HIVEP2: variants seen among roughly 807,000 people sequenced by gnomAD.
HIVEP2 encodes the protein HIVEP zinc finger 2.
Under a neutral mutation model 180.7 loss-of-function variants are expected in HIVEP2, and 14 were observed. The ratio of observed to expected loss-of-function variants is 0.08; its 90% CI spans 0.05 to 0.12. The LOEUF (loss-of-function observed/expected upper bound fraction) is 0.12. Among genes scored for constraint, HIVEP2 ranks in the 10% least tolerant of loss-of-function variants. The pLI, the probability that HIVEP2 is intolerant of heterozygous loss-of-function variation, is 1.00. For synonymous variants in HIVEP2, 1,184 were observed against 1,136.4 expected (o/e 1.04, Z -0.84); for missense variants, 2,579 against 3,008.5 (o/e 0.86, Z 3.34).
intron 1 of HIVEP2, among the ~76,000 whole-genome samples, chr6:142,853,550 T>A (rs1221472462): frequency 6.6e-6 from 1 of 152,232 alleles, no homozygotes. Context: ...TGATTTAGAA[T>A]TCGCCTAAGG....
At chr6:142,870,063 G>GAATTTCTACAAT (rs1776249423) in intron 1 of HIVEP2, among the ~76,000 whole-genome samples, 6 of 152,004 alleles carry the variant, frequency 3.9e-5, no homozygotes, top group African/African-American at 1.5e-4. Flanking sequence ...GACCACTGAA[G>GAATTTCTACAAT]GGCTGCGCAT....
At chr6:142,930,032 G>A (rs6570535) in intron 1 of HIVEP2, among the ~76,000 whole-genome samples, 147,186 of 152,294 alleles carry the variant, frequency 0.97, 71,129 homozygotes, top group Middle Eastern at 0.98. Context: ...GCTTTCACCA[G>A]TCATTTGTTG....
At chr6:142,775,744 G>A (rs1775681508) in intron 4 of HIVEP2, among the ~76,000 whole-genome samples, 1 of 151,546 alleles carries the variant, frequency 6.6e-6, no homozygotes, top group Non-Finnish European at 1.5e-5. Flanking sequence ...CTAAGGGAGG[G>A]GAATTGCTTG....
chr6:142,892,970 C>A (rs1776896596), intron 1 of HIVEP2, among the ~76,000 whole-genome samples: 1 of 152,212 alleles, frequency 6.6e-6, no homozygotes. Context: ...GCAAAAGTTA[C>A]ATGACGGATG....
chr6:142,777,862 C>T (rs1054490538), intron 3 of HIVEP2, among the ~76,000 whole-genome samples: 1 of 151,976 alleles, frequency 6.6e-6, no homozygotes, highest in Non-Finnish European at 1.5e-5. Flanking sequence ...ACTGCAGATT[C>T]CTAAAGCGAA....
At position 142,774,352 on chromosome 6, in the gene HIVEP2, A is replaced by G. The variant is rs935658725; in HGVS notation, c.387T>C (p.Pro129=). The change falls in exon 5 of 10, where the codon CCT becomes CCC. Residue 129 remains proline, a synonymous_variant. Transcript: ENST00000367603. This position sits in a 1 kb window ranked among gnomAD's most constrained non-coding sequence, Gnocchi z 5.1. ...AGTCCTCAGAGGCAACGGATGGCAA[A>G]GGGCCAGGGAAAAGCCACGGAGGAC... ...LEGPPWLFPG[P]LPSVASEDLF... 5.0e-6 allele frequency: 8 copies of G among 1,614,108 alleles called. No homozygotes were observed. The Admixed American group carries it at 8.3e-5, about 17-fold the overall frequency.
chr6:142,793,663 C>CTTTCTTTTTTT (rs1554279280), intron 2 of HIVEP2, among the ~76,000 whole-genome samples: 5 of 109,474 alleles, frequency 4.6e-5, no homozygotes, highest in East Asian at 3.7e-4. Flanking sequence ...TTTCTTTTTT[C>CTTTCTTTTTTT]TTTCTTTCTT....
At chr6:142,829,889 C>A (rs535098224) in intron 2 of HIVEP2, among the ~76,000 whole-genome samples, 8 of 152,170 alleles carry the variant, frequency 5.3e-5, no homozygotes, top group Admixed American at 1.3e-4. Flanking sequence ...TAATGGAAAT[C>A]TTTTTATGGC....
chr6:142,921,286 A>G (rs1175825786), intron 1 of HIVEP2, among the ~76,000 whole-genome samples: 2 of 152,270 alleles, frequency 1.3e-5, no homozygotes, highest in African/African-American at 4.8e-5. Flanking sequence ...TCATGCCTGC[A>G]ATCCCAGCAC....
chr6:142,882,032 C>A (rs1437339645), intron 1 of HIVEP2, among the ~76,000 whole-genome samples: 2 of 152,164 alleles, frequency 1.3e-5, no homozygotes, highest in Non-Finnish European at 2.9e-5. Flanking sequence ...GGACTCTACC[C>A]AGAGTCATCA....
chr6:142,778,987 T>C (rs1048810817), intron 3 of HIVEP2, among the ~76,000 whole-genome samples: 14 of 152,216 alleles, frequency 9.2e-5, no homozygotes, highest in Non-Finnish European at 8.8e-5. Context: ...AAAAAATCCA[T>C]AATTTAAATA....
At chr6:142,908,766 A>C (rs1777330257) in intron 1 of HIVEP2, among the ~76,000 whole-genome samples, 1 of 147,180 alleles carries the variant, frequency 6.8e-6, no homozygotes, top group African/African-American at 2.5e-5. Flanking sequence ...ACTTTTCCCT[A>C]TTTCAAAATT....
intron 7 of HIVEP2, 121 bp from the exon 8 acceptor site, chr6:142,761,686 A>G: frequency 1.4e-6 from 1 of 697,494 alleles, no homozygotes; most frequent in Non-Finnish European, 2.6e-6. Context: ...TGTAACACAG[A>G]TTTGTTTCTA....
At chr6:142,819,802 A>G (rs1776978641) in intron 2 of HIVEP2, among the ~76,000 whole-genome samples, 1 of 152,160 alleles carries the variant, frequency 6.6e-6, no homozygotes, top group Non-Finnish European at 1.5e-5. Flanking sequence ...GAAAAATAAA[A>G]TTAGATAGGT....
At chr6:142,797,633 G>A (rs934299588) in intron 2 of HIVEP2, among the ~76,000 whole-genome samples, 13 of 152,096 alleles carry the variant, frequency 8.5e-5, no homozygotes, top group Non-Finnish European at 1.5e-4. Context: ...ACCATGGTGG[G>A]AAAATAGGTG....
At chr6:142,924,366 G>A (rs1029854595) in intron 1 of HIVEP2, among the ~76,000 whole-genome samples, 9 of 152,156 alleles carry the variant, frequency 5.9e-5, no homozygotes, top group Admixed American at 2.0e-4. Flanking sequence ...GTCAGGCACC[G>A]TTCTAGGCAT....
chr6:142,935,097 C>A (rs942796836), intron 1 of HIVEP2, among the ~76,000 whole-genome samples: 2 of 152,126 alleles, frequency 1.3e-5, no homozygotes, highest in African/African-American at 4.8e-5. Flanking sequence ...TCAAAAAGGC[C>A]CTATCTGTTC....
At chr6:142,843,133 C>A (rs1481182879) in intron 1 of HIVEP2, among the ~76,000 whole-genome samples, 1 of 152,116 alleles carries the variant, frequency 6.6e-6, no homozygotes, top group Non-Finnish European at 1.5e-5. Flanking sequence ...ACCAGGGGAG[C>A]TTGTTAAAAA....
chr6:142,837,678 TC>T (rs1016217399), intron 1 of HIVEP2, among the ~76,000 whole-genome samples: 60 of 152,214 alleles, frequency 3.9e-4, no homozygotes, highest in African/African-American at 1.3e-3. Context: ...ATTGGTTTAT[TC>T]CATTCACTTT....
Sources: allele counts gnomAD v4.1 joint callset (sites outside exome capture counted in the v4.1 genomes callset), GRCh38; gene constraint gnomAD v4.1.1; non-coding constraint Gnocchi (gnomAD v3.1); transcripts MANE v1.5; gene names NCBI Gene and HGNC (gene_info 2026-07-23, HGNC 2026-07-21).